The following C1orf216 variants were observed in gnomAD, a reference collection of about 807,000 sequenced individuals.
The protein encoded by C1orf216 is chromosome 1 open reading frame 216.
A neutral mutation model predicts 16.4 loss-of-function variants in C1orf216; 18 were observed. The observed-to-expected ratio is 1.10, with a 90% CI of 0.76 to 1.63. The LOEUF is 1.63. C1orf216 is among the 40% of genes most tolerant of loss of function. The probability of loss-of-function intolerance (pLI) is 0.00; values close to 1 mark genes in which losing one functional copy is unlikely to be tolerated. For missense variants in C1orf216, 271 were observed against 297.6 expected (o/e 0.91, Z 0.66); for synonymous variants, 115 against 116.9 (o/e 0.98, Z 0.11).
intron 1 of C1orf216, chr1:35,716,553 G>A (rs1640960387): frequency 1.8e-6 from 1 of 558,598 alleles, no homozygotes; most frequent in Non-Finnish European, 3.2e-6. Flanking sequence ...TCAGAGCCAG[G>A]CTGTCTTCTG....
At chr1:35,718,115 C>T (rs1301717979) in intron 1 of C1orf216, among the ~76,000 whole-genome samples, 1 of 152,154 alleles carries the variant, frequency 6.6e-6, no homozygotes, top group Non-Finnish European at 1.5e-5. Context: ...GGAGGGCATA[C>T]CACACCACTC....
rs1403136850 is a variant in C1orf216, at chr1:35,715,535, C to A, written c.*97G>T. The A allele has an allele frequency of 3.0e-6, 4 of 1,348,680 alleles. No individual in the cohort carries two copies. The African/African-American group carries it at 5.9e-5, about 20-fold the overall frequency. The allele number at this position is 1,348,680 out of a possible 1,614,324, so 83.5% of individuals were successfully genotyped here. On this transcript the variant is annotated 3_prime_UTR_variant, in exon 2 of 2. Coordinates refer to ENST00000270815, the MANE Select transcript of C1orf216 (RefSeq NM_152374.2). This position sits in a 1 kb window ranked among gnomAD's most constrained non-coding sequence, Gnocchi z 4.3. ...GTTAGCACATACACACTCATGCCTA[C>A]CTGCAATCATGCCAGCAAATTATGT...
chr1:35,715,652 T>C lies in C1orf216; in HGVS notation c.670A>G (p.Arg224Gly). The change falls in exon 2 of 2, where the codon AGG becomes GGG. Residue 224 changes from arginine to glycine, a missense_variant. Transcript: ENST00000270815. The surrounding 1 kb of genome is among the most constrained non-coding windows in gnomAD (Gnocchi z 4.3). ...RCLQQRAAPS[R>G]PQDQA ...CACCCTTAGGCCTGGTCCTGGGGCCTGGATGGTGCTGCCCTCTGCTGGAGA... is the reference window on the plus strand; with the variant it reads ...CACCCTTAGGCCTGGTCCTGGGGCCCGGATGGTGCTGCCCTCTGCTGGAGA... 1 of 1,613,704 alleles carries C rather than the reference T, an allele frequency of 6.2e-7. No individual in the cohort carries two copies. Among genetic ancestry groups the C allele is most frequent in the Non-Finnish European group, 8.5e-7 (1 of 1,179,730 alleles).
Position 35,715,831 on chromosome 1 carries a change from T to C in C1orf216, c.491A>G (p.Glu164Gly), listed in dbSNP as rs1206409065. The C allele has an allele frequency of 1.2e-6, 2 of 1,614,116 alleles. No individual in the cohort carries two copies. Among genetic ancestry groups the C allele is most frequent in the Non-Finnish European group, 1.7e-6 (2 of 1,180,052 alleles). Residue 164 changes from glutamate (E) to glycine (G), a missense_variant, in exon 2 of 2, where the codon GAG becomes GGG. Around this residue, in one of 3 missense-constraint regions of C1orf216, gnomAD observed 220 missense variants for 227.8 expected, o/e 0.97. Transcript: ENST00000270815. The surrounding 1 kb of genome is among the most constrained non-coding windows in gnomAD (Gnocchi z 4.3). ...CAAGTGCACGTGGTGCTTTTCCTTCTCCTGCTCTTTGTAGCGCTCCTGGAC... is the reference window on the plus strand; with the variant it reads ...CAAGTGCACGTGGTGCTTTTCCTTCCCCTGCTCTTTGTAGCGCTCCTGGAC... The part of the protein sequence containing the change: ...LQVQERYKEQ[E>G]KEKHHVHLVM...
rs1056978534 is a variant in C1orf216 at position 35,714,157 on chromosome 1, G to A, written c.*1475C>T. 2 of 152,194 alleles carry A rather than the reference G, an allele frequency of 1.3e-5. No homozygotes were observed. Among genetic ancestry groups the A allele is most frequent in the African/African-American group, 2.4e-5 (1 of 41,444 alleles). The allele number at this position is 152,194 out of a possible 1,614,324, so 9.4% of individuals were successfully genotyped here. ...CTTCATACCACTGCTCACCCACCAGGATCTTGCATTCTCTTGGCTCCCAAG... is the reference window on the plus strand; with the variant it reads ...CTTCATACCACTGCTCACCCACCAGAATCTTGCATTCTCTTGGCTCCCAAG... On this transcript the variant is annotated 3_prime_UTR_variant, in exon 2 of 2. Transcript: ENST00000270815.
At position 35,715,437 on chromosome 1, in the gene C1orf216, A is replaced by C. The variant is rs957197864; in HGVS notation, c.*195T>G. 1.6e-6 allele frequency: 1 copy of C among 624,388 alleles called. No homozygotes were observed. Among genetic ancestry groups the C allele is most frequent in the Middle Eastern group, 4.4e-4 (1 of 2,278 alleles). The allele number at this position is 624,388 out of a possible 1,614,324, so 38.7% of individuals were successfully genotyped here. The stretch of plus-strand genomic sequence containing the variant: ...CTGCAGATAAATTAGCTGTGTGTAC[A>C]CATGTGCACACAGCACACTTAAGCT... On this transcript the variant is annotated 3_prime_UTR_variant, in exon 2 of 2. Transcript: ENST00000270815. The surrounding 1 kb of genome is among the most constrained non-coding windows in gnomAD (Gnocchi z 4.3).
At chr1:35,716,582 C>T in intron 1 of C1orf216, 2 of 518,854 alleles carry the variant, frequency 3.9e-6, no homozygotes, top group Non-Finnish European at 6.9e-6. Context: ...CATTTCTCTC[C>T]AGAGGACCTC....
Position 35,715,983 on chromosome 1 carries a change from A to C in C1orf216, c.339T>G (p.Tyr113Ter). The change falls in exon 2 of 2, where the codon TAT (tyrosine) becomes TAG (stop). Residue 113 changes from tyrosine to a stop codon, truncating the protein, a stop_gained. Coordinates refer to ENST00000270815, the MANE Select transcript of C1orf216 (RefSeq NM_152374.2). LOFTEE classifies it high-confidence loss of function. The surrounding 1 kb of genome is among the most constrained non-coding windows in gnomAD (Gnocchi z 4.3). ...TVCSPLEDNGYASSSLSIDSR... is the reference protein window; with the variant it reads ...TVCSPLEDNG ...TGTCAATGCTCAGGGAACTGCTGGC[A>C]TAGCCGTTGTCCTCCAGAGGGGAGC... is the stretch of plus-strand genomic sequence containing the variant. 1.2e-6 allele frequency: 2 copies of C among 1,614,132 alleles called. No individual in the cohort carries two copies. The highest frequency in any genetic ancestry group is 1.7e-6 in the Non-Finnish European group (2 of 1,180,032).
At position 35,714,754 on chromosome 1, in the gene C1orf216, A is replaced by G. The variant is rs1300435750; in HGVS notation, c.*878T>C. 6.6e-6 allele frequency: 1 copy of G among 152,386 alleles called. No homozygotes were observed. Among genetic ancestry groups the G allele is most frequent in the Non-Finnish European group, 1.5e-5 (1 of 68,164 alleles). The allele number at this position is 152,386 out of a possible 1,614,324, so 9.4% of individuals were successfully genotyped here. ...CCCTATGTCCTCTGTCCCCATCCCC[A>G]CCATCATCTTCATCACTACTCCTGG... On this transcript the variant is annotated 3_prime_UTR_variant, in exon 2 of 2. Coordinates refer to ENST00000270815, the MANE Select transcript of C1orf216 (RefSeq NM_152374.2).
chr1:35,716,063 C>A lies in C1orf216; in HGVS notation c.259G>T (p.Gly87Trp). ...GGCTCAGCCCCGGGAATCTCTGCCC[C>A]CTCTGGGGGGCTGCGCACCCCTTCC... Reference protein sequence around the residue: ...PEEGVRSPPEGAEIPGAEPEK... With the variant: ...PEEGVRSPPEWAEIPGAEPEK... Residue 87 changes from glycine to tryptophan, a missense_variant, in exon 2 of 2, where the codon GGG (glycine) becomes TGG (tryptophan). Gly to Trp is a radical substitution (Grantham distance 184, BLOSUM62 -2). This residue lies in a region of C1orf216 where 220 missense variants were observed against 227.8 expected (regional missense o/e 0.97). Coordinates refer to ENST00000270815, the MANE Select transcript of C1orf216 (RefSeq NM_152374.2). The A allele has an allele frequency of 1.9e-6, 3 of 1,614,144 alleles. No homozygotes were observed. Among genetic ancestry groups the A allele is most frequent in the South Asian group, 2.2e-5 (2 of 91,092 alleles).
At position 35,716,128 on chromosome 1, in the gene C1orf216, G is replaced by A. The variant is rs757552517; in HGVS notation, c.194C>T (p.Pro65Leu). Residue 65 changes from proline (P) to leucine (L), a missense_variant, in exon 2 of 2, where the codon CCC becomes CTC. Physicochemically the swap from Pro to Leu is moderately conservative, Grantham distance 98. Around this residue, in one of 3 missense-constraint regions of C1orf216, gnomAD observed 220 missense variants for 227.8 expected, o/e 0.97. Transcript: ENST00000270815. ...PILRRSSSESPSDNQAFQAPG... is the reference protein window; with the variant it reads ...PILRRSSSESLSDNQAFQAPG... ...GGCCTGGAAGGCTTGGTTGTCAGAG[G>A]GTGACTCAGAGGAGCTCCTCCTCAG... 55 of 1,614,078 alleles carry A rather than the reference G, an allele frequency of 3.4e-5. 3 individuals carry two copies.
chr1:35,715,941 A>C lies in C1orf216; in HGVS notation c.381T>G (p.Pro127=). 1 of 1,614,124 alleles carries C rather than the reference A, an allele frequency of 6.2e-7. No homozygotes were observed. The highest frequency in any genetic ancestry group is 8.5e-7 in the Non-Finnish European group (1 of 1,180,018). The change falls in exon 2 of 2, where the codon CCT becomes CCG. Residue 127 remains proline (P), a synonymous_variant. Transcript: ENST00000270815. The surrounding 1 kb of genome is among the most constrained non-coding windows in gnomAD (Gnocchi z 4.3). ...SLSIDSRSSS[P]EPACGTPRGP... The stretch of plus-strand genomic sequence containing the variant: ...CTCGCGGGGTCCCACAGGCAGGCTC[A>C]GGACTGCTGCTACGGCTGTCAATGC...
Position 35,716,260 on chromosome 1 carries a change from C to T in C1orf216, c.62G>A (p.Gly21Glu), listed in dbSNP as rs374435600. The T allele has an allele frequency of 6.2e-7, 1 of 1,614,220 alleles. No individual in the cohort carries two copies. ...TGGTTGGAGCTCGGGCTGACATAAT[C>T]CAGGAGGTGGGTCCCCCAGGAATTG... is the stretch of plus-strand genomic sequence containing the variant. Reference protein sequence around the residue: ...GGQFLGDPPPGLCQPELQPDS... With the variant: ...GGQFLGDPPPELCQPELQPDS... The change falls in exon 2 of 2, where the codon GGA (glycine) becomes GAA (glutamate). Residue 21 changes from glycine to glutamate, a missense_variant. Around this residue, in one of 3 missense-constraint regions of C1orf216, gnomAD observed 44 missense variants for 46.0 expected, o/e 0.96. Coordinates refer to ENST00000270815, the MANE Select transcript of C1orf216 (RefSeq NM_152374.2).
chr1:35,715,194 C>T lies in C1orf216; in HGVS notation c.*438G>A, dbSNP rs1640931264. ...TCCCATGCCTGTGGCCAAACATGTGCACCCCTGCACACACAAGGGCTTCCT... is the reference window on the plus strand; with the variant it reads ...TCCCATGCCTGTGGCCAAACATGTGTACCCCTGCACACACAAGGGCTTCCT... On this transcript the variant is annotated 3_prime_UTR_variant, in exon 2 of 2. Transcript: ENST00000270815. This position sits in a 1 kb window ranked among gnomAD's most constrained non-coding sequence, Gnocchi z 4.3. 2 of 194,454 alleles carry T rather than the reference C, an allele frequency of 1.0e-5. No homozygotes were observed. Among genetic ancestry groups the T allele is most frequent in the Admixed American group, 1.1e-4 (2 of 18,822 alleles). The allele number at this position is 194,454 out of a possible 1,614,324, so 12.0% of individuals were successfully genotyped here. A position where few individuals can be genotyped will look rare whatever the true frequency, so the allele number is the denominator to read the frequency against.
intron 1 of C1orf216, among the ~76,000 whole-genome samples, chr1:35,717,965 C>T (rs1384132874): frequency 6.6e-6 from 1 of 152,128 alleles, no homozygotes; most frequent in Non-Finnish European, 1.5e-5. Flanking sequence ...GTTCCCTTTC[C>T]TACCCCAGCC....
intron 1 of C1orf216, among the ~76,000 whole-genome samples, chr1:35,718,018 C>T (rs1244766713): frequency 1.3e-5 from 2 of 152,168 alleles, no homozygotes. Flanking sequence ...TCTTCTGAGC[C>T]TGCCCCCTTC....
chr1:35,716,526 G>A (rs1324005590), intron 1 of C1orf216, 200 bp from the exon 2 acceptor site: 9 of 594,482 alleles, frequency 1.5e-5, no homozygotes, highest in Non-Finnish European at 2.7e-5. Flanking sequence ...CTCCTGCAAA[G>A]GGTTTTTCCT....
At chr1:35,717,106 CCTCA>C (rs765998548) in intron 1 of C1orf216, among the ~76,000 whole-genome samples, 1 of 151,632 alleles carries the variant, frequency 6.6e-6, no homozygotes, top group Non-Finnish European at 1.5e-5. Flanking sequence ...ATCCTGGGGT[CCTCA>C]CTATCCTTCC....
At position 35,715,903 on chromosome 1, in the gene C1orf216, GGAGGGCCAGGGCCTC is replaced by G. The variant is rs1640946815; in HGVS notation, c.404_418del (p.Arg135_Pro139del). 6.2e-7 allele frequency: 1 copy of G among 1,614,118 alleles called. No individual in the cohort carries two copies. The highest frequency in any genetic ancestry group is 8.5e-7 in the Non-Finnish European group (1 of 1,180,056). ...GGCCACTGAGGGCAGAAGGGGATCG[GGAGGGCCAGGGCCTC>G]GCGGGGTCCCACAGGCAGGCTCAGG... On this transcript the variant is annotated inframe_deletion, in exon 2 of 2. Coordinates refer to ENST00000270815, the MANE Select transcript of C1orf216 (RefSeq NM_152374.2). This position sits in a 1 kb window ranked among gnomAD's most constrained non-coding sequence, Gnocchi z 4.3.
Sources: gnomAD v4.1 joint callset for allele counts (sites outside exome capture counted in the v4.1 genomes callset) on GRCh38, gnomAD v4.1.1 for gene constraint, gnomAD v4.1.1 regional missense constraint, Gnocchi (gnomAD v3.1) non-coding constraint, MANE v1.5 for transcripts, NCBI Gene and HGNC (gene_info 2026-07-23, HGNC 2026-07-21) for gene names.